The following BRINP1 variants were observed in gnomAD, a reference collection of about 807,000 sequenced individuals.
BRINP1 encodes BMP/retinoic acid inducible neural specific 1.
In BRINP1, 17 loss-of-function variants were observed where a neutral mutation model predicts 72.9. That is an observed-to-expected ratio of 0.23 (90% confidence interval 0.16 to 0.35). The LOEUF is 0.35. Ranked by LOEUF, BRINP1 falls within the 10% of genes least tolerant of loss-of-function variation. The pLI is 1.00. For missense variants in BRINP1, 850 were observed against 1,001.6 expected (o/e 0.85, Z 2.04); for synonymous variants, 418 against 378.5 (o/e 1.10, Z -1.21).
intron 6 of BRINP1, among the ~76,000 whole-genome samples, chr9:119,210,002 G>A (rs1305599597): frequency 6.6e-6 from 1 of 152,224 alleles, no homozygotes; most frequent in Non-Finnish European, 1.5e-5. Flanking sequence ...GTGATGCTGA[G>A]TTTCAGAGTG....
At chr9:119,303,244 G>A (rs1830958376) in intron 2 of BRINP1, among the ~76,000 whole-genome samples, 1 of 151,108 alleles carries the variant, frequency 6.6e-6, no homozygotes, top group African/African-American at 2.4e-5. Context: ...TGCAATTTGA[G>A]GAAAAGCAAA....
rs1318972975 is a variant in BRINP1 at position 119,368,280 on chromosome 9, C to T, written c.-51+776G>A. On this transcript the variant is annotated intron_variant, in intron 1 of 7. Transcript: ENST00000265922. The surrounding 1 kb of genome is among the most constrained non-coding windows in gnomAD (Gnocchi z 4.7). ...CCCCCTTTCTCTGTCACCCACTATCCAGTGTCTCCAAATTCCCATCAGAAT... is the reference window on the plus strand; with the variant it reads ...CCCCCTTTCTCTGTCACCCACTATCTAGTGTCTCCAAATTCCCATCAGAAT... Among the ~76,000 whole-genome samples the T allele has an allele frequency of 6.6e-6, 1 of 152,174 alleles. No homozygotes were observed. The highest frequency in any genetic ancestry group is 1.5e-5 in the Non-Finnish European group (1 of 68,026).
chr9:119,353,456 C>T (rs1214290170), intron 1 of BRINP1, among the ~76,000 whole-genome samples: 1 of 152,162 alleles, frequency 6.6e-6, no homozygotes, highest in Non-Finnish European at 1.5e-5. Context: ...TGAGAAATGA[C>T]ACTTACCAAA....
intron 1 of BRINP1, among the ~76,000 whole-genome samples, chr9:119,361,792 T>C (rs1831634462): frequency 6.8e-6 from 1 of 146,600 alleles, no homozygotes; most frequent in Non-Finnish European, 1.5e-5. Context: ...AGCTACAGTT[T>C]TTGCATTTTT....
At chr9:119,269,999 G>A (rs1830591894) in intron 2 of BRINP1, among the ~76,000 whole-genome samples, 1 of 152,160 alleles carries the variant, frequency 6.6e-6, no homozygotes, top group South Asian at 2.1e-4. Flanking sequence ...GAGACTGGAA[G>A]TACTGGCAGA....
chr9:119,285,895 G>T (rs531085653), intron 2 of BRINP1, among the ~76,000 whole-genome samples: 36 of 152,184 alleles, frequency 2.4e-4, no homozygotes, highest in Admixed American at 5.9e-4. Context: ...AGGAAACTGA[G>T]ATCCAACTTA....
At chr9:119,302,326 A>C (rs1005113376) in intron 2 of BRINP1, among the ~76,000 whole-genome samples, 1 of 152,178 alleles carries the variant, frequency 6.6e-6, no homozygotes, top group Non-Finnish European at 1.5e-5. Flanking sequence ...AAAGTTAGAG[A>C]AGTAGTAAAT....
At chr9:119,252,700 A>G (rs528407410) in intron 2 of BRINP1, among the ~76,000 whole-genome samples, 1 of 152,182 alleles carries the variant, frequency 6.6e-6, no homozygotes, top group East Asian at 1.9e-4. Flanking sequence ...GTAGCTAATG[A>G]GTGGTAGAAT....
At position 119,360,946 on chromosome 9, in the gene BRINP1, G is replaced by T. The variant is rs139302280; in HGVS notation, c.-51+8110C>A. 1.5e-3 allele frequency among the ~76,000 whole-genome samples: 222 copies of T among 152,258 alleles called. 3 individuals carry two copies. Among genetic ancestry groups the T allele is most frequent in the African/African-American group, 5.2e-3 (216 of 41,550 alleles). Reference sequence around the variant, plus strand: ...TGTTAATTACCTTATCAATCTACCTGCCACCCTTGAGGGAATACAGTCTCC... The same window carrying T: ...TGTTAATTACCTTATCAATCTACCTTCCACCCTTGAGGGAATACAGTCTCC... On this transcript the variant is annotated intron_variant, in intron 1 of 7. Transcript: ENST00000265922.
At chr9:119,187,947 C>T (rs1457773075) in intron 7 of BRINP1, among the ~76,000 whole-genome samples, 4 of 152,082 alleles carry the variant, frequency 2.6e-5, no homozygotes, top group Admixed American at 6.6e-5. Context: ...TCAATAGCTG[C>T]CTACATCAAG....
At position 119,167,678 on chromosome 9, in the gene BRINP1, G is replaced by A. The variant is rs1829334563; in HGVS notation, c.1692C>T (p.Val564=). ...SSLDPMFFVY[V]NPFSGSHSEG... ...CCGAATGGCTCCCGCTAAAGGGGTT[G>A]ACATAGACAAAGAACATGGGGTCCA... The change falls in exon 8 of 8, where the codon GTC becomes GTT. Residue 564 remains valine (V), a synonymous_variant. Coordinates refer to ENST00000265922, the MANE Select transcript of BRINP1 (RefSeq NM_014618.3). The surrounding 1 kb of genome is among the most constrained non-coding windows in gnomAD (Gnocchi z 4.3). The A allele has an allele frequency of 1.9e-6, 3 of 1,614,030 alleles. No individual in the cohort carries two copies. The Admixed American group carries it at 5.0e-5, about 27-fold the overall frequency.
At chr9:119,241,356 T>C (rs1830247160) in intron 4 of BRINP1, among the ~76,000 whole-genome samples, 1 of 152,192 alleles carries the variant, frequency 6.6e-6, no homozygotes, top group Non-Finnish European at 1.5e-5. Context: ...TATAGTCATA[T>C]TGGAATACAG....
At chr9:119,344,694 C>A (rs1163280444) in intron 1 of BRINP1, among the ~76,000 whole-genome samples, 1 of 152,172 alleles carries the variant, frequency 6.6e-6, no homozygotes, top group East Asian at 1.9e-4. Flanking sequence ...CCTCCACTTC[C>A]CAGTTTCTGA....
rs1457282879 is a variant in BRINP1, at chr9:119,341,495, G to T, written c.-51+27561C>A. ...AGGATACACATTCAGTAGAAAGCAG[G>T]ACACTCTCCTGCAACACCCAGCAAC... On this transcript the variant is annotated intron_variant, in intron 1 of 7. Transcript: ENST00000265922. Among the ~76,000 whole-genome samples the T allele has an allele frequency of 3.3e-5, 5 of 152,102 alleles. No individual in the cohort carries two copies. The East Asian group carries it at 9.6e-4, about 29-fold the overall frequency.
At chr9:119,187,033 A>C (rs1829629730) in intron 7 of BRINP1, among the ~76,000 whole-genome samples, 1 of 151,988 alleles carries the variant, frequency 6.6e-6, no homozygotes, top group Non-Finnish European at 1.5e-5. Context: ...GAGCCATACC[A>C]GTGCAGTGTC....
intron 1 of BRINP1, among the ~76,000 whole-genome samples, chr9:119,333,453 A>C (rs1407289313): frequency 7.3e-6 from 1 of 136,452 alleles, no homozygotes. Context: ...ACAGAGTGAG[A>C]CCTTGTTTCA....
At chr9:119,275,533 G>T (rs531545453) in intron 2 of BRINP1, among the ~76,000 whole-genome samples, 1 of 152,138 alleles carries the variant, frequency 6.6e-6, no homozygotes, top group African/African-American at 2.4e-5. Context: ...GAGGTTTCAT[G>T]TACAGTCTTA....
chr9:119,286,238 C>CT (rs111384115), intron 2 of BRINP1, among the ~76,000 whole-genome samples: 52,827 of 147,434 alleles, frequency 0.36, 9,415 homozygotes, highest in East Asian at 0.56. Context: ...TATCTTTCAT[C>CT]TTTTTTTTTT....
Position 119,168,096 on chromosome 9 carries a change from G to C in BRINP1, c.1274C>G (p.Pro425Arg). Residue 425 changes from proline to arginine, a missense_variant, in exon 8 of 8, where the codon CCC (proline) becomes CGC (arginine). Transcript: ENST00000265922. ...CHGSTTLCQR[P>R]IPCVIGGNNS... ...GTTCCCGCCTATCACGCAGGGGATG[G>C]GGCGCTGGCACAGCGTGGTGCTGCC... 6.2e-7 allele frequency: 1 copy of C among 1,609,830 alleles called. No homozygotes were observed. The highest frequency in any genetic ancestry group is 1.3e-5 in the African/African-American group (1 of 74,962).
Sources: gnomAD v4.1 joint callset for allele counts (sites outside exome capture counted in the v4.1 genomes callset) on GRCh38, gnomAD v4.1.1 for gene constraint, Gnocchi (gnomAD v3.1) non-coding constraint, MANE v1.5 for transcripts, NCBI Gene and HGNC (gene_info 2026-07-23, HGNC 2026-07-21) for gene names.